The following MTAP variants were observed in gnomAD, a reference collection of about 807,000 sequenced individuals.
MTAP encodes the protein S-methyl-5'-thioadenosine phosphorylase.
Under a neutral mutation model 33.6 loss-of-function variants are expected in MTAP, and 33 were observed. The observed-to-expected ratio is 0.98, with a 90% CI of 0.74 to 1.31. The LOEUF (loss-of-function observed/expected upper bound fraction) is 1.31, where lower values mean the gene tolerates loss of function less well. Among genes scored for constraint, MTAP ranks in the 40% most tolerant of loss-of-function variants. The probability of loss-of-function intolerance (pLI) is 0.00; values close to 1 mark genes in which losing one functional copy is unlikely to be tolerated. For synonymous variants in MTAP, 148 were observed against 125.7 expected (o/e 1.18, Z -1.19); for missense variants, 367 against 360.0 (o/e 1.02, Z -0.16).
Position 21,922,625 on chromosome 9 carries a change from C to T in MTAP, c.148-8383C>T, listed in dbSNP as rs1445529466. 6.6e-6 allele frequency among the ~76,000 whole-genome samples: 1 copy of T among 152,162 alleles called. No individual in the cohort carries two copies. Among genetic ancestry groups the T allele is most frequent in the East Asian group, 1.9e-4 (1 of 5,190 alleles). Reference sequence around the variant, plus strand: ...TGCCACATGGCTTGGATACGTTCCCCAGTGGTAAGAAATCTCTATGCCTCT... The same window carrying T: ...TGCCACATGGCTTGGATACGTTCCCTAGTGGTAAGAAATCTCTATGCCTCT... On this transcript the variant is annotated intron_variant, in intron 1 of 1. Coordinates refer to the MTAP transcript ENST00000577563. This position sits in a 1 kb window ranked among gnomAD's most constrained non-coding sequence, Gnocchi z 4.8.
chr9:21,889,678 C>T (rs1263632178), intron 1 of MTAP, among the ~76,000 whole-genome samples: 2 of 152,062 alleles, frequency 1.3e-5, no homozygotes, highest in Admixed American at 6.6e-5. Flanking sequence ...GGTCTAGCCT[C>T]CCAGCAGAGC....
chr9:21,915,055 C>CCTTCCTTTCTTTCTTT (rs1554649248), intron 1 of MTAP, among the ~76,000 whole-genome samples: 14 of 25,880 alleles, frequency 5.4e-4, no homozygotes, highest in African/African-American at 1.4e-3. Context: ...TTCCTTCCTT[C>CCTTCCTTTCTTTCTTT]CTTTCTTTCT....
downstream of MTAP, among the ~76,000 whole-genome samples, chr9:21,869,195 G>A (rs143756837): frequency 2.4e-3 from 366 of 152,130 alleles, 1 homozygote; most frequent in Middle Eastern, 0.014. Flanking sequence ...AATCCCTCGA[G>A]TTATTGTTTC....
intron 4 of MTAP, among the ~76,000 whole-genome samples, chr9:21,820,552 T>A (rs1587209174): frequency 6.6e-6 from 1 of 152,210 alleles, no homozygotes; most frequent in Non-Finnish European, 1.5e-5. Context: ...AGCCTTGTAG[T>A]GTAGTTTGAA....
chr9:21,923,242 T>C (rs988432335), intron 1 of MTAP, among the ~76,000 whole-genome samples: 4 of 152,214 alleles, frequency 2.6e-5, no homozygotes, highest in Non-Finnish European at 5.9e-5. Context: ...TCCAGCTCCT[T>C]ATGACTTACC....
chr9:21,894,810 A>T (rs940232402), intron 1 of MTAP, among the ~76,000 whole-genome samples: 3 of 146,334 alleles, frequency 2.1e-5, no homozygotes, highest in South Asian at 2.2e-4. Flanking sequence ...GCATCTGATT[A>T]AAAAAAAAAA....
downstream of MTAP, chr9:21,935,334 T>C (rs919105011): frequency 1.3e-5 from 2 of 152,070 alleles, no homozygotes; most frequent in Non-Finnish European, 2.9e-5. Flanking sequence ...AAACAGTTTA[T>C]TTGGGCCAAA....
rs372504090 is a variant in MTAP, at chr9:21,802,811, T to A, written c.33+30T>A. 9.9e-6 allele frequency: 16 copies of A among 1,611,906 alleles called. No homozygotes were observed. The African/African-American group carries it at 1.5e-4, about 15-fold the overall frequency. ...GATGAGCCCTCCCAGCCGCAGCGGT[T>A]CGCCCTGCCGGATGCCTTCTCGCCC... is the stretch of plus-strand genomic sequence containing the variant. On this transcript the variant is annotated intron_variant, in intron 1 of 7. Transcript: ENST00000644715.
chr9:21,928,609 CT>C (rs1049021082), intron 1 of MTAP, among the ~76,000 whole-genome samples: 38 of 152,244 alleles, frequency 2.5e-4, no homozygotes, highest in Admixed American at 1.4e-3. Flanking sequence ...AGTGATTCAT[CT>C]TTTTTTCCCC....
intron 6 of MTAP, among the ~76,000 whole-genome samples, chr9:21,857,370 T>G (rs189667841): frequency 1.9e-3 from 282 of 152,320 alleles, no homozygotes; most frequent in African/African-American, 6.7e-3. Context: ...GTTCCCATAG[T>G]AGTGCAAACT....
At chr9:21,861,146 A>G (rs1167694920) in intron 7 of MTAP, 1 of 152,126 alleles carries the variant, frequency 6.6e-6, no homozygotes, top group Non-Finnish European at 1.5e-5. Context: ...CAAATAATAT[A>G]TTTACTGTTT....
intron 4 of MTAP, among the ~76,000 whole-genome samples, chr9:21,822,975 T>C (rs532237963): frequency 2.6e-5 from 4 of 152,342 alleles, no homozygotes; most frequent in African/African-American, 9.6e-5. Flanking sequence ...GTTTTCCATT[T>C]GCTTGGTAGA....
chr9:21,854,934 A>G (rs1270432054), intron 6 of MTAP, 64 bp downstream of exon 6: 4 of 1,568,556 alleles, frequency 2.6e-6, no homozygotes, highest in African/African-American at 2.7e-5. Flanking sequence ...GGGTGTCTTA[A>G]CTGTTTGTTT....
At chr9:21,828,049 T>A (rs181746494) in intron 4 of MTAP, among the ~76,000 whole-genome samples, 4 of 152,336 alleles carry the variant, frequency 2.6e-5, no homozygotes, top group Non-Finnish European at 4.4e-5. Context: ...AATGTAGATG[T>A]TTCACATACT....
chr9:21,815,546 T>A (rs752611031), intron 2 of MTAP, 27 bp downstream of exon 2: 2 of 1,402,838 alleles, frequency 1.4e-6, no homozygotes, highest in African/African-American at 1.4e-5. Context: ...TGGAGACATG[T>A]TTTTTAGTTT....
intron 4 of MTAP, among the ~76,000 whole-genome samples, chr9:21,823,337 G>T (rs1056035788): frequency 1.3e-5 from 2 of 152,180 alleles, no homozygotes; most frequent in African/African-American, 4.8e-5. Context: ...GCATTTGCTT[G>T]TCTGTAAAGG....
chr9:21,833,562 T>C (rs943576555), intron 4 of MTAP, among the ~76,000 whole-genome samples: 79 of 152,210 alleles, frequency 5.2e-4, no homozygotes, highest in African/African-American at 1.8e-3. Context: ...CTATTCACGC[T>C]GCTGTTTGAT....
At chr9:21,839,730 T>G (rs1825196717) in intron 5 of MTAP, among the ~76,000 whole-genome samples, 1 of 152,222 alleles carries the variant, frequency 6.6e-6, no homozygotes, top group South Asian at 2.1e-4. Context: ...CACATGATCT[T>G]TCATGTACTG....
At chr9:21,870,381 T>C (rs975917429), downstream of MTAP, among the ~76,000 whole-genome samples, 37 of 152,252 alleles carry the variant, frequency 2.4e-4, no homozygotes, top group African/African-American at 8.0e-4. Flanking sequence ...CATTTACTGA[T>C]ATCCTAAATG....
Sources: gnomAD v4.1 joint callset for allele counts (sites outside exome capture counted in the v4.1 genomes callset) on GRCh38, gnomAD v4.1.1 for gene constraint, Gnocchi (gnomAD v3.1) non-coding constraint, MANE v1.5 for transcripts, NCBI Gene and HGNC (gene_info 2026-07-23, HGNC 2026-07-21) for gene names.